The following ABCA13 variants were observed in gnomAD, a reference collection of about 807,000 sequenced individuals.
ABCA13 encodes ATP-binding cassette sub-family A member 13.
In ABCA13, 476 loss-of-function variants were observed where a neutral mutation model predicts 478.7. The observed-to-expected ratio is 0.99, with a 90% CI of 0.92 to 1.07. The LOEUF is 1.07. Ranked by LOEUF, ABCA13 falls within the 50% of genes least tolerant of loss-of-function variation. ABCA13 has a pLI of 0.00. For synonymous variants in ABCA13, 2,252 were observed against 2,158.9 expected (o/e 1.04, Z -1.20); for missense variants, 6,060 against 5,910.6 (o/e 1.03, Z -0.83).
At position 48,644,649 on chromosome 7, in the gene ABCA13, GC is replaced by G. The variant is rs777363339; in HGVS notation, c.14978del (p.Pro4993GlnfsTer7). On this transcript the variant is annotated frameshift_variant, in exon 61 of 62. Transcript: ENST00000435803. LOFTEE classifies it high-confidence loss of function. Reference protein sequence around the residue: ...QHLNLLEYHVPKRWGCLADLF... With the variant: ...QHLNLLEYHVXKRWGCLADLF... Reference sequence around the variant, plus strand: ...ACCTGAATTTATTAGAATATCATGTGCCAAAAAGATGGGGATGCCTAGCTGA... The same window carrying G: ...ACCTGAATTTATTAGAATATCATGTGCAAAAAGATGGGGATGCCTAGCTGA... 1 of 1,598,726 alleles carries G rather than the reference GC, an allele frequency of 6.3e-7. No homozygotes were observed. The highest frequency in any genetic ancestry group is 1.1e-5 in the South Asian group (1 of 90,158).
intron 20 of ABCA13, among the ~76,000 whole-genome samples, chr7:48,293,192 G>GCCC (rs367570188): frequency 0.035 from 3,768 of 106,906 alleles, 565 homozygotes; most frequent in East Asian, 0.19. Context: ...GAAGTCTTCA[G>GCCC]CCCCCCCCCC....
chr7:48,309,033 G>GCGCACACACA (rs1554432223), intron 23 of ABCA13, among the ~76,000 whole-genome samples: 2 of 138,050 alleles, frequency 1.4e-5, no homozygotes, highest in African/African-American at 2.8e-5. Context: ...ACACATGACT[G>GCGCACACACA]CACACACACA....
chr7:48,620,729 C>T (rs1422524265), intron 59 of ABCA13, among the ~76,000 whole-genome samples: 1 of 152,092 alleles, frequency 6.6e-6, no homozygotes, highest in African/African-American at 2.4e-5. Flanking sequence ...TTCCTATGGC[C>T]AGATCTGAAA....
At chr7:48,428,549 A>G (rs567776369) in intron 42 of ABCA13, among the ~76,000 whole-genome samples, 120 of 152,336 alleles carry the variant, frequency 7.9e-4, no homozygotes, top group African/African-American at 2.5e-3. Flanking sequence ...ACATGAACCC[A>G]TGAATAAGTA....
Position 48,338,379 on chromosome 7 carries a change from CAAA to C in ABCA13, c.10129_10131del (p.Lys3377del). The C allele has an allele frequency of 6.3e-7, 1 of 1,595,812 alleles. No homozygotes were observed. The highest frequency in any genetic ancestry group is 8.5e-7 in the Non-Finnish European group (1 of 1,170,960). On this transcript the variant is annotated inframe_deletion, in exon 29 of 62. Transcript: ENST00000435803. Reference sequence around the variant, plus strand: ...TTTTTCTTTAGGAGGCCCTGAGAAACAAATTTGTAAGAAACTTTGTAGAAAACC... The same window carrying C: ...TTTTTCTTTAGGAGGCCCTGAGAAACTTTGTAAGAAACTTTGTAGAAAACC...
intron 9 of ABCA13, 68 bp downstream of exon 9, chr7:48,239,473 C>T: frequency 6.7e-7 from 1 of 1,487,598 alleles, no homozygotes; most frequent in Non-Finnish European, 9.0e-7. Context: ...CCATTCTCCT[C>T]CCCTGCCCTG....
chr7:48,420,757 T>A (rs1820634256), intron 41 of ABCA13, among the ~76,000 whole-genome samples: 1 of 151,840 alleles, frequency 6.6e-6, no homozygotes, highest in Non-Finnish European at 1.5e-5. Context: ...GACTTTTTTT[T>A]AGAACAATTT....
chr7:48,200,901 G>C (rs1798592529), intron 3 of ABCA13, among the ~76,000 whole-genome samples: 1 of 152,236 alleles, frequency 6.6e-6, no homozygotes, highest in South Asian at 2.1e-4. Flanking sequence ...GCTCACGCCT[G>C]TAATCCCAGC....
chr7:48,349,083 T>TATAGATA (rs1327202219), intron 29 of ABCA13, among the ~76,000 whole-genome samples: 1 of 152,230 alleles, frequency 6.6e-6, no homozygotes, highest in Non-Finnish European at 1.5e-5. Flanking sequence ...AGCAATTCCC[T>TATAGATA]ATAGATATAA....
intron 20 of ABCA13, among the ~76,000 whole-genome samples, chr7:48,289,941 T>G (rs1221194946): frequency 6.6e-6 from 1 of 152,170 alleles, no homozygotes; most frequent in Non-Finnish European, 1.5e-5. Flanking sequence ...GAAATACAAA[T>G]CTTTTTCAGG....
intron 43 of ABCA13, among the ~76,000 whole-genome samples, chr7:48,464,493 A>T (rs1172253532): frequency 6.6e-6 from 1 of 152,246 alleles, no homozygotes; most frequent in Non-Finnish European, 1.5e-5. Context: ...TTCTGTAAAC[A>T]TTTATTTCTG....
intron 34 of ABCA13, among the ~76,000 whole-genome samples, chr7:48,375,267 T>A (rs1331658896): frequency 6.6e-6 from 1 of 152,172 alleles, no homozygotes; most frequent in Non-Finnish European, 1.5e-5. Flanking sequence ...ACCAAAAAGG[T>A]TAGTGACCAC....
chr7:48,236,640 T>A (rs925336062), intron 8 of ABCA13, among the ~76,000 whole-genome samples: 1 of 152,214 alleles, frequency 6.6e-6, no homozygotes, highest in Non-Finnish European at 1.5e-5. Flanking sequence ...CATTTTTGCC[T>A]CCTTTCTCCA....
intron 55 of ABCA13, among the ~76,000 whole-genome samples, chr7:48,549,385 G>T (rs1785109028): frequency 1.3e-5 from 2 of 151,826 alleles, no homozygotes; most frequent in Non-Finnish European, 2.9e-5. Flanking sequence ...CCCTGCAAAA[G>T]GACATGATCT....
At position 48,239,278 on chromosome 7, in the gene ABCA13, C is replaced by T; in HGVS notation, c.935C>T (p.Ser312Leu). ...TDTSLEKMVC[S>L]VLSSTSEDEA... The stretch of plus-strand genomic sequence containing the variant: ...ACTTCCTTGGAGAAGATGGTGTGTT[C>T]AGTCTTGTCTAGCACATCAGAGGAT... Residue 312 changes from serine to leucine, a missense_variant, in exon 9 of 62, where the codon TCA (serine) becomes TTA (leucine). By Grantham distance (145) the Ser-to-Leu change is moderately radical. This residue lies in a region of ABCA13 where 4,423 missense variants were observed against 4,309.1 expected (regional missense o/e 1.03). Coordinates refer to ENST00000435803, the MANE Select transcript of ABCA13 (RefSeq NM_152701.5). The T allele has an allele frequency of 6.2e-6, 10 of 1,613,896 alleles. No homozygotes were observed. The highest frequency in any genetic ancestry group is 7.6e-6 in the Non-Finnish European group (9 of 1,179,830).
chr7:48,207,698 A>G (rs1785104871), intron 3 of ABCA13, among the ~76,000 whole-genome samples: 1 of 151,976 alleles, frequency 6.6e-6, no homozygotes, highest in South Asian at 2.1e-4. Context: ...CTGGTTATTA[A>G]TCCCTTGTCA....
In ABCA13 at chr7:48,274,308, A is replaced by C; in HGVS notation, c.4642A>C (p.Ile1548Leu). 7 of 1,613,518 alleles carry C rather than the reference A, an allele frequency of 4.3e-6. No homozygotes were observed. Among genetic ancestry groups the C allele is most frequent in the Non-Finnish European group, 5.1e-6 (6 of 1,179,688 alleles). Reference protein sequence around the residue: ...NQFQNIWLHLITLGKEFQKLV... With the variant: ...NQFQNIWLHLLTLGKEFQKLV... ...GTTTCAAAATATTTGGCTTCATTTAATAACACTGGGGAAGGAATTTCAGAA... is the reference window on the plus strand; with the variant it reads ...GTTTCAAAATATTTGGCTTCATTTACTAACACTGGGGAAGGAATTTCAGAA... The change falls in exon 17 of 62, where the codon ATA becomes CTA. Residue 1548 changes from isoleucine (I) to leucine (L), a missense_variant. Ile to Leu is a conservative substitution (Grantham distance 5, BLOSUM62 2). Coordinates refer to ENST00000435803, the MANE Select transcript of ABCA13 (RefSeq NM_152701.5).
At chr7:48,317,917 C>T (rs1802829733) in intron 27 of ABCA13, among the ~76,000 whole-genome samples, 1 of 152,142 alleles carries the variant, frequency 6.6e-6, no homozygotes, top group African/African-American at 2.4e-5. Flanking sequence ...AATATTTGCA[C>T]TTTCTTTTTA....
intron 55 of ABCA13, among the ~76,000 whole-genome samples, chr7:48,538,542 A>G (rs1460168601): frequency 6.6e-6 from 1 of 152,218 alleles, no homozygotes; most frequent in Non-Finnish European, 1.5e-5. Flanking sequence ...CAAGAAACAG[A>G]ACCAGACCAC....
Sources: gnomAD v4.1 joint callset for allele counts (sites outside exome capture counted in the v4.1 genomes callset) on GRCh38, gnomAD v4.1.1 for gene constraint, gnomAD v4.1.1 regional missense constraint, MANE v1.5 for transcripts, NCBI Gene and HGNC (gene_info 2026-07-23, HGNC 2026-07-21) for gene names.